ACSS3: variants seen among roughly 807,000 people sequenced by gnomAD.
ACSS3 encodes acyl-CoA synthetase short chain family member 3.
A neutral mutation model predicts 84.2 loss-of-function variants in ACSS3; 64 were observed. The observed-to-expected ratio is 0.76, with a 90% CI of 0.62 to 0.94. The LOEUF (loss-of-function observed/expected upper bound fraction) is 0.94, where lower values mean the gene tolerates loss of function less well. Among genes scored for constraint, ACSS3 ranks in the 40% least tolerant of loss-of-function variants. The pLI is 0.00. For missense variants in ACSS3, 815 were observed against 867.6 expected (o/e 0.94, Z 0.76); for synonymous variants, 317 against 310.1 (o/e 1.02, Z -0.23).
At chr12:81,253,183 G>A in intron 13 of ACSS3, 124 bp from the exon 14 acceptor site, 1 of 1,034,318 alleles carries the variant, frequency 9.7e-7, no homozygotes, top group Non-Finnish European at 1.4e-6. Context: ...TGTCTTACAT[G>A]CACTTTTTTC....
chr12:81,220,653 C>T (rs1232098965), intron 11 of ACSS3, among the ~76,000 whole-genome samples: 1 of 151,988 alleles, frequency 6.6e-6, no homozygotes, highest in African/African-American at 2.4e-5. Flanking sequence ...CATGTGTACC[C>T]ATTATTTAGC....
chr12:81,231,313 G>T (rs761792910), intron 12 of ACSS3, among the ~76,000 whole-genome samples, 175 bp downstream of exon 12: 21 of 151,738 alleles, frequency 1.4e-4, no homozygotes, highest in African/African-American at 5.1e-4. Flanking sequence ...ATCTAAATAC[G>T]TCAATTTTAT....
At chr12:81,230,986 A>C in intron 11 of ACSS3, 71 bp from the exon 12 acceptor site, 1 of 1,162,188 alleles carries the variant, frequency 8.6e-7, no homozygotes. Context: ...CAGTAGAAAA[A>C]TAATAGTTCT....
At chr12:81,140,608 G>C (rs922488469) in intron 4 of ACSS3, among the ~76,000 whole-genome samples, 17 of 152,260 alleles carry the variant, frequency 1.1e-4, no homozygotes, top group Non-Finnish European at 1.5e-4. Flanking sequence ...ATGAACTGCT[G>C]CACTTAATGA....
intron 1 of ACSS3, among the ~76,000 whole-genome samples, chr12:81,092,764 A>T (rs1881752298): frequency 6.6e-6 from 1 of 152,202 alleles, no homozygotes; most frequent in Non-Finnish European, 1.5e-5. Context: ...GTTTCAAATT[A>T]TCAAAATGTT....
intron 13 of ACSS3, among the ~76,000 whole-genome samples, chr12:81,235,280 G>GT (rs905253597): frequency 3.7e-4 from 56 of 150,456 alleles, no homozygotes; most frequent in African/African-American, 1.3e-3. Flanking sequence ...ATTGATCTAT[G>GT]TTTTTTTTAT....
intron 9 of ACSS3, among the ~76,000 whole-genome samples, chr12:81,212,193 T>C (rs1270670534): frequency 6.6e-6 from 1 of 152,244 alleles, no homozygotes; most frequent in East Asian, 1.9e-4. Flanking sequence ...TTTACTCTTG[T>C]ATAATATGTT....
intron 7 of ACSS3, among the ~76,000 whole-genome samples, chr12:81,152,775 A>T (rs559233539): frequency 1.4e-4 from 21 of 152,168 alleles, no homozygotes; most frequent in Non-Finnish European, 2.8e-4. Flanking sequence ...TATCATTCAA[A>T]ATGGCCTTGG....
intron 7 of ACSS3, among the ~76,000 whole-genome samples, chr12:81,170,545 A>G (rs1262319542): frequency 6.6e-6 from 1 of 152,160 alleles, no homozygotes; most frequent in East Asian, 1.9e-4. Flanking sequence ...GAAGCAACTA[A>G]TAATGTAGAC....
intron 2 of ACSS3, among the ~76,000 whole-genome samples, chr12:81,125,403 TATTA>T (rs1885015570): frequency 6.6e-6 from 1 of 152,210 alleles, no homozygotes; most frequent in South Asian, 2.1e-4. Flanking sequence ...GCTTTCTTCT[TATTA>T]ATTCCAATAG....
intron 5 of ACSS3, 30 bp from the exon 6 acceptor site, chr12:81,151,814 T>C (rs1372157831): frequency 1.1e-5 from 18 of 1,591,242 alleles, no homozygotes; most frequent in Non-Finnish European, 1.5e-5. Flanking sequence ...CATTGTTTAT[T>C]GATTTTAATT....
chr12:81,184,181 C>G (rs2031114941), intron 8 of ACSS3, among the ~76,000 whole-genome samples: 1 of 151,904 alleles, frequency 6.6e-6, no homozygotes, highest in Non-Finnish European at 1.5e-5. Flanking sequence ...ACAACATGCT[C>G]TTGAACAATC....
At chr12:81,211,848 C>T (rs1210387268) in intron 9 of ACSS3, among the ~76,000 whole-genome samples, 1 of 152,166 alleles carries the variant, frequency 6.6e-6, no homozygotes, top group Non-Finnish European at 1.5e-5. Context: ...GATCTGCCTC[C>T]TCACTATTTC....
intron 2 of ACSS3, chr12:81,124,656 ATTTTAAAC>A (rs1884926253): frequency 6.6e-6 from 1 of 152,162 alleles, no homozygotes; most frequent in Admixed American, 6.5e-5. Context: ...TCCAAAGGCC[ATTTTAAAC>A]TTTTGGCTTT....
Position 81,121,423 on chromosome 12 carries a change from G to A in ACSS3, c.456+11719G>A, listed in dbSNP as rs77699218. 8.5e-3 allele frequency among the ~76,000 whole-genome samples: 1,292 copies of A among 151,734 alleles called. 15 individuals are homozygous for A. The highest frequency in any genetic ancestry group is 0.047 in the East Asian group (241 of 5,176). ...AAAAAAGCCTCTAAGAAACCAATTT[G>A]GCTTTTTTTTTTCATGAAATAGTGA... On this transcript the variant is annotated intron_variant, in intron 2 of 15. Coordinates refer to ENST00000548058, the MANE Select transcript of ACSS3 (RefSeq NM_024560.4).
At chr12:81,140,491 G>T (rs1203121785) in intron 4 of ACSS3, among the ~76,000 whole-genome samples, 1 of 152,064 alleles carries the variant, frequency 6.6e-6, no homozygotes, top group Non-Finnish European at 1.5e-5. Flanking sequence ...ATACTTAAAT[G>T]ACAAGATATG....
intron 7 of ACSS3, among the ~76,000 whole-genome samples, chr12:81,168,258 T>A (rs1287729875): frequency 6.6e-6 from 1 of 152,178 alleles, no homozygotes; most frequent in Non-Finnish European, 1.5e-5. Context: ...CAGTCTTGCT[T>A]CCTCCAAGCT....
chr12:81,103,486 G>A (rs896115569), intron 1 of ACSS3, among the ~76,000 whole-genome samples: 1 of 152,038 alleles, frequency 6.6e-6, no homozygotes, highest in Admixed American at 6.6e-5. Context: ...TCTTTGAGCT[G>A]GGCAGCTTCT....
chr12:81,117,334 G>T (rs1884129011), intron 2 of ACSS3, among the ~76,000 whole-genome samples: 1 of 152,264 alleles, frequency 6.6e-6, no homozygotes, highest in South Asian at 2.1e-4. Flanking sequence ...TGAATAAAAA[G>T]ATAATACAAT....
Sources: allele counts gnomAD v4.1 joint callset (sites outside exome capture counted in the v4.1 genomes callset), GRCh38; gene constraint gnomAD v4.1.1; transcripts MANE v1.5; gene names NCBI Gene and HGNC (gene_info 2026-07-23, HGNC 2026-07-21).